Variants in WDR19 observed in about 807,000 individuals in gnomAD.
The protein encoded by WDR19 is WD repeat-containing protein 19.
WDR19 carries 121 observed loss-of-function variants against 180.0 expected under a neutral mutation model. The observed-to-expected ratio is 0.67, with a 90% CI of 0.58 to 0.78. The LOEUF (loss-of-function observed/expected upper bound fraction) is 0.78, where lower values mean the gene tolerates loss of function less well. WDR19 is among the 30% of genes least tolerant of loss of function. The pLI, the probability that WDR19 is intolerant of heterozygous loss-of-function variation, is 0.00. For missense variants in WDR19, 1,450 were observed against 1,640.7 expected (o/e 0.88, Z 2.01); for synonymous variants, 497 against 540.7 (o/e 0.92, Z 1.12).
chr4:39,245,499 T>G (rs1349039364), intron 24 of WDR19, 47 bp downstream of exon 24: 1 of 1,564,758 alleles, frequency 6.4e-7, no homozygotes, highest in Non-Finnish European at 8.7e-7. Flanking sequence ...TAATGTAAGC[T>G]TTACAAATTA....
intron 28 of WDR19, among the ~76,000 whole-genome samples, 185 bp from the exon 29 acceptor site, chr4:39,265,878 T>C (rs1333717735): frequency 1.3e-5 from 2 of 152,152 alleles, no homozygotes; most frequent in African/African-American, 2.4e-5. Flanking sequence ...GGATGGATTT[T>C]TATTAATGGA....
chr4:39,186,605 G>T lies in WDR19; in HGVS notation c.164+1G>T, dbSNP rs1442141063. On this transcript the variant is annotated splice_donor_variant, in intron 3 of 36. Transcript: ENST00000399820. LOFTEE classifies it high-confidence loss of function. ...AAAGAAGTGAAATTAACTTACCTGG[G>T]TAAGTACAGAAGTAGATTTAAAAAA... is the stretch of plus-strand genomic sequence containing the variant. The T allele has an allele frequency of 6.4e-7, 1 of 1,570,078 alleles. No homozygotes were observed. The highest frequency in any genetic ancestry group is 8.6e-7 in the Non-Finnish European group (1 of 1,161,626).
At chr4:39,262,401 C>T (rs1192199023) in intron 28 of WDR19, among the ~76,000 whole-genome samples, 1 of 152,102 alleles carries the variant, frequency 6.6e-6, no homozygotes, top group Non-Finnish European at 1.5e-5. Context: ...TGCCACCGCA[C>T]CCGGCCAATT....
intron 24 of WDR19, among the ~76,000 whole-genome samples, chr4:39,249,672 G>A (rs1259817795): frequency 6.6e-6 from 1 of 152,080 alleles, no homozygotes. Context: ...TATCACCACC[G>A]ATCCCACAGA....
chr4:39,268,213 A>C, intron 30 of WDR19, 122 bp downstream of exon 30: 1 of 714,340 alleles, frequency 1.4e-6, no homozygotes, highest in Non-Finnish European at 2.2e-6. Flanking sequence ...TGAACCCAAA[A>C]GACTAAAGAG....
intron 14 of WDR19, among the ~76,000 whole-genome samples, chr4:39,220,987 G>C (rs919039626): frequency 6.7e-6 from 1 of 149,078 alleles, no homozygotes; most frequent in Non-Finnish European, 1.5e-5. Context: ...CTCTCAAAGT[G>C]CTGGAATTAC....
chr4:39,239,490 C>G (rs1391293734), intron 20 of WDR19, among the ~76,000 whole-genome samples: 1 of 151,604 alleles, frequency 6.6e-6, no homozygotes, highest in East Asian at 1.9e-4. Flanking sequence ...ATTTAGTGCC[C>G]CAAAGGAAAT....
chr4:39,193,504 T>C (rs1003728580), intron 4 of WDR19, among the ~76,000 whole-genome samples: 6 of 152,320 alleles, frequency 3.9e-5, no homozygotes, highest in African/African-American at 1.4e-4. Context: ...CTTCTATTAT[T>C]ACAACTAATT....
intron 36 of WDR19, among the ~76,000 whole-genome samples, chr4:39,279,038 C>T (rs952555485): frequency 7.9e-5 from 12 of 152,138 alleles, no homozygotes; most frequent in Non-Finnish European, 1.5e-4. Flanking sequence ...TGGAAATAAT[C>T]TCCATTTCTT....
intron 25 of WDR19, among the ~76,000 whole-genome samples, 167 bp from the exon 26 acceptor site, chr4:39,253,739 A>G (rs1335692416): frequency 6.6e-6 from 1 of 151,740 alleles, no homozygotes; most frequent in Non-Finnish European, 1.5e-5. Flanking sequence ...AGATTGCACC[A>G]CTGCACTCCT....
intron 21 of WDR19, among the ~76,000 whole-genome samples, chr4:39,240,590 A>G (rs917667308): frequency 6.6e-6 from 1 of 152,308 alleles, no homozygotes; most frequent in Non-Finnish European, 1.5e-5. Context: ...AAAGTTGGAA[A>G]TAAGATTTTT....
chr4:39,211,925 CAGACAGAGAGAGAGAG>C (rs1423274703), intron 9 of WDR19, among the ~76,000 whole-genome samples: 7 of 117,086 alleles, frequency 6.0e-5, no homozygotes, highest in East Asian at 2.4e-4. Flanking sequence ...CTAATATAGA[CAGACAGAGAGAGAGAG>C]AGAGAGAGAG....
chr4:39,279,504 A>G (rs1736243204), intron 36 of WDR19, among the ~76,000 whole-genome samples: 1 of 152,186 alleles, frequency 6.6e-6, no homozygotes, highest in Non-Finnish European at 1.5e-5. Context: ...AAGTCTGTCC[A>G]TGAACAGGCC....
chr4:39,275,339 C>CAAAA, intron 33 of WDR19: 18 of 103,630 alleles, frequency 1.7e-4, no homozygotes, highest in Admixed American at 4.3e-4. Flanking sequence ...GACCCCATCT[C>CAAAA]AAAAAAAAAA....
intron 1 of WDR19, 40 bp from the exon 2 acceptor site, chr4:39,185,684 TTG>T (rs780356557): frequency 1.3e-5 from 20 of 1,520,422 alleles, no homozygotes; most frequent in Non-Finnish European, 1.7e-5. Context: ...CAACACTTGA[TTG>T]TATGTTTTGA....
chr4:39,281,236 T>TATATATATATATAGAGAGAG (rs762298152), intron 36 of WDR19, among the ~76,000 whole-genome samples: 17 of 104,010 alleles, frequency 1.6e-4, no homozygotes, highest in African/African-American at 6.7e-4. Context: ...TATATATATA[T>TATATATATATATAGAGAGAG]AGAGAGAGAG....
chr4:39,194,494 T>C (rs769713648), intron 4 of WDR19, 50 bp from the exon 5 acceptor site: 8 of 1,253,376 alleles, frequency 6.4e-6, no homozygotes, highest in Non-Finnish European at 7.9e-6. Context: ...AAGGACTGTT[T>C]AGAGGTTATG....
At chr4:39,190,018 G>C (rs1725985821) in intron 4 of WDR19, among the ~76,000 whole-genome samples, 1 of 152,216 alleles carries the variant, frequency 6.6e-6, no homozygotes, top group African/African-American at 2.4e-5. Context: ...GCAGAGATGA[G>C]ACAAAATATA....
At chr4:39,220,606 G>A (rs1296646433) in intron 14 of WDR19, among the ~76,000 whole-genome samples, 3 of 96,064 alleles carry the variant, frequency 3.1e-5, no homozygotes, top group Admixed American at 1.7e-4. Context: ...TCTCTCTGTC[G>A]CCCATGCAAT....
Sources: allele counts gnomAD v4.1 joint callset (sites outside exome capture counted in the v4.1 genomes callset), GRCh38; gene constraint gnomAD v4.1.1; transcripts MANE v1.5; gene names NCBI Gene and HGNC (gene_info 2026-07-23, HGNC 2026-07-21).